The following CNTN5 variants were observed in gnomAD, a reference collection of about 807,000 sequenced individuals.
CNTN5 encodes contactin 5.
In CNTN5, 77 loss-of-function variants were observed where a neutral mutation model predicts 129.1. The observed-to-expected ratio is 0.60, with a 90% CI of 0.50 to 0.72. CNTN5 has a LOEUF of 0.72. Among genes scored for constraint, CNTN5 ranks in the 30% least tolerant of loss-of-function variants. The probability of loss-of-function intolerance (pLI) is 0.00; values close to 1 mark genes in which losing one functional copy is unlikely to be tolerated. For synonymous variants in CNTN5, 509 were observed against 465.6 expected, an observed-to-expected ratio of 1.09 and a Z score of -1.20; for missense variants, 1,478 against 1,328.8, an observed-to-expected ratio of 1.11 and a Z score of -1.75.
rs549045046 is a variant in CNTN5, at chr11:99,894,044, G to C, written c.578-22010G>C. Among the ~76,000 whole-genome samples the C allele has an allele frequency of 5.3e-5, 8 of 151,990 alleles. No individual in the cohort carries two copies. In the East Asian group the frequency reaches 1.6e-3, roughly 30 times the overall value. ...GCTACTGGTATCCTTAATGCCAGCT[G>C]GTGGCATTCTTTTATTAAGCAAGAT... On this transcript the variant is annotated intron_variant, in intron 6 of 24. Coordinates refer to ENST00000524871, the MANE Select transcript of CNTN5 (RefSeq NM_014361.4).
chr11:99,744,543 T>TTAAA (rs1943986604), intron 3 of CNTN5, among the ~76,000 whole-genome samples: 1 of 37,478 alleles, frequency 2.7e-5, no homozygotes, highest in Non-Finnish European at 4.5e-5. Flanking sequence ...TACAAAAAGT[T>TTAAA]AAAAAAAAAA....
chr11:99,498,965 G>A (rs942868942), intron 2 of CNTN5, among the ~76,000 whole-genome samples: 6 of 152,148 alleles, frequency 3.9e-5, no homozygotes, highest in African/African-American at 1.2e-4. Context: ...TTCCAGCGAT[G>A]TCATGATAAA....
At chr11:99,458,928 T>C (rs1944590909) in intron 2 of CNTN5, among the ~76,000 whole-genome samples, 1 of 151,868 alleles carries the variant, frequency 6.6e-6, no homozygotes, top group Admixed American at 6.6e-5. Context: ...TGAAGTAGAG[T>C]GTGTAAGACA....
chr11:99,338,078 C>A (rs1866316596), intron 2 of CNTN5, among the ~76,000 whole-genome samples: 1 of 151,994 alleles, frequency 6.6e-6, no homozygotes, highest in South Asian at 2.1e-4. Flanking sequence ...CTATATATGT[C>A]TTTTGGAAGT....
At chr11:99,214,660 C>T (rs1860028108) in intron 1 of CNTN5, among the ~76,000 whole-genome samples, 1 of 151,914 alleles carries the variant, frequency 6.6e-6, no homozygotes, top group South Asian at 2.1e-4. Context: ...AATTTGATGG[C>T]TCTTAACCAA....
chr11:99,821,648 C>A (rs150318538), intron 4 of CNTN5, among the ~76,000 whole-genome samples: 1 of 151,726 alleles, frequency 6.6e-6, no homozygotes, highest in Non-Finnish European at 1.5e-5. Context: ...CAGATGAAAC[C>A]CAAACAGAAA....
At chr11:99,514,840 C>T (rs1946984685) in intron 2 of CNTN5, among the ~76,000 whole-genome samples, 2 of 151,918 alleles carry the variant, frequency 1.3e-5, no homozygotes, top group Admixed American at 1.3e-4. Context: ...TGCACTATAT[C>T]CCGAGTATGC....
At chr11:99,579,427 G>A (rs11501223) in intron 3 of CNTN5, among the ~76,000 whole-genome samples, 11,382 of 151,564 alleles carry the variant, frequency 0.075, 692 homozygotes, top group African/African-American at 0.17. Context: ...GGGCAGAATG[G>A]CCATTTTCAT....
At chr11:99,795,661 T>TA (rs1018496437) in intron 3 of CNTN5, among the ~76,000 whole-genome samples, 9 of 152,152 alleles carry the variant, frequency 5.9e-5, no homozygotes, top group African/African-American at 1.9e-4. Context: ...GATCTTTTTT[T>TA]AAAAAAATTA....
chr11:99,616,293 A>C (rs1182041813), intron 3 of CNTN5, among the ~76,000 whole-genome samples: 2 of 152,204 alleles, frequency 1.3e-5, no homozygotes, highest in Non-Finnish European at 2.9e-5. Flanking sequence ...TAAGAATAAT[A>C]ATAGTCTAAG....
intron 3 of CNTN5, among the ~76,000 whole-genome samples, chr11:99,565,067 T>C (rs1346296600): frequency 6.6e-6 from 1 of 152,226 alleles, no homozygotes; most frequent in Non-Finnish European, 1.5e-5. Flanking sequence ...GCTTCCTTTT[T>C]GTGAAATATA....
At chr11:99,029,041 G>T (rs915032882) in intron 1 of CNTN5, among the ~76,000 whole-genome samples, 3 of 151,576 alleles carry the variant, frequency 2.0e-5, no homozygotes, top group Non-Finnish European at 3.0e-5. Context: ...TATAATTTTG[G>T]ACAAGTAAAA....
chr11:99,667,672 A>G (rs1952847957), intron 3 of CNTN5, among the ~76,000 whole-genome samples: 1 of 152,194 alleles, frequency 6.6e-6, no homozygotes, highest in African/African-American at 2.4e-5. Flanking sequence ...GGAAGCCATC[A>G]TCCTCGGCAA....
chr11:99,850,513 CATTT>C (rs1030090588), intron 6 of CNTN5, among the ~76,000 whole-genome samples: 8 of 152,180 alleles, frequency 5.3e-5, no homozygotes, highest in Non-Finnish European at 1.2e-4. Context: ...CATTTCTATT[CATTT>C]GTCACCCAAT....
intron 7 of CNTN5, among the ~76,000 whole-genome samples, chr11:99,918,604 A>G (rs1366904927): frequency 6.6e-6 from 1 of 152,170 alleles, no homozygotes; most frequent in African/African-American, 2.4e-5. Flanking sequence ...CACACCAATT[A>G]GCATTTGTAG....
intron 3 of CNTN5, among the ~76,000 whole-genome samples, chr11:99,563,171 G>T (rs547997234): frequency 3.9e-5 from 6 of 152,132 alleles, no homozygotes; most frequent in African/African-American, 1.4e-4. Flanking sequence ...GGTCAGCAGT[G>T]GCAATGCATT....
At chr11:99,284,634 TGTGTGTGTGTGTGTG>T (rs1301629497) in intron 1 of CNTN5, among the ~76,000 whole-genome samples, 2 of 148,820 alleles carry the variant, frequency 1.3e-5, no homozygotes, top group African/African-American at 4.9e-5. Flanking sequence ...TGTGTGTGTG[TGTGTGTGTGTGTGTG>T]TGTGTGTGTG....
Position 99,490,946 on chromosome 11 carries a change from A to T in CNTN5, c.-70-65199A>T, listed in dbSNP as rs140981785. Among the ~76,000 whole-genome samples, 816 of 152,132 alleles carry T rather than the reference A, an allele frequency of 5.4e-3. 2 individuals carry two copies. The highest frequency in any genetic ancestry group is 8.5e-3 in the Non-Finnish European group (581 of 68,004). ...GTGGGGTTACTCAGAGCTCACCGAG[A>T]TCTAACCACTATTGGGACAGCTAAA... On this transcript the variant is annotated intron_variant, in intron 2 of 24. Transcript: ENST00000524871.
intron 9 of CNTN5, among the ~76,000 whole-genome samples, chr11:100,042,864 A>G (rs551819060): frequency 3.3e-5 from 5 of 152,310 alleles, no homozygotes; most frequent in Admixed American, 6.5e-5. Flanking sequence ...AAAACCTCCT[A>G]TATCTTCAAG....
Sources: gnomAD v4.1 joint callset for allele counts (sites outside exome capture counted in the v4.1 genomes callset) on GRCh38, gnomAD v4.1.1 for gene constraint, MANE v1.5 for transcripts, NCBI Gene and HGNC (gene_info 2026-07-23, HGNC 2026-07-21) for gene names.